Variants in TSPAN4 observed in about 807,000 individuals in gnomAD.
The protein encoded by TSPAN4 is tetraspanin 4.
TSPAN4 carries 38 observed loss-of-function variants against 31.5 expected under a neutral mutation model. That is an observed-to-expected ratio of 1.21 (90% CI 0.93 to 1.58). The LOEUF (loss-of-function observed/expected upper bound fraction) is 1.58, where lower values mean the gene tolerates loss of function less well. Among genes scored for constraint, TSPAN4 ranks in the 40% most tolerant of loss-of-function variants. The pLI is 0.00. For synonymous variants in TSPAN4, 186 were observed against 144.6 expected (o/e 1.29, Z -2.06); for missense variants, 330 against 317.3 (o/e 1.04, Z -0.30).
At chr11:850,239 A>G (rs1448052404) in intron 2 of TSPAN4, 49 bp from the exon 3 acceptor site, 2 of 1,471,236 alleles carry the variant, frequency 1.4e-6, no homozygotes, top group Non-Finnish European at 1.9e-6. Context: ...GCCCAAGGGC[A>G]ACAAGTACGT....
intron 3 of TSPAN4, among the ~76,000 whole-genome samples, chr11:860,080 A>G (rs1015104319): frequency 1.3e-5 from 2 of 152,148 alleles, no homozygotes; most frequent in African/African-American, 2.4e-5. Flanking sequence ...AGAGCTTCCC[A>G]AGATAGGTCC....
chr11:848,511 C>T lies in TSPAN4; in HGVS notation c.-18+1211C>T, dbSNP rs916531654. Among the ~76,000 whole-genome samples, 3 of 151,798 alleles carry T rather than the reference C, an allele frequency of 2.0e-5. No individual in the cohort carries two copies. Among genetic ancestry groups the T allele is most frequent in the Non-Finnish European group, 2.9e-5 (2 of 67,890 alleles). Reference sequence around the variant, plus strand: ...GAGGCTTGGGGCACCCAGCCCAGGTCGTCAGGGGTGGGCAGAGCTGCGGGA... The same window carrying T: ...GAGGCTTGGGGCACCCAGCCCAGGTTGTCAGGGGTGGGCAGAGCTGCGGGA... On this transcript the variant is annotated intron_variant, in intron 2 of 8. Coordinates refer to ENST00000397397, the MANE Select transcript of TSPAN4 (RefSeq NM_003271.5). The surrounding 1 kb of genome is among the most constrained non-coding windows in gnomAD (Gnocchi z 5.7).
intron 3 of TSPAN4, chr11:862,197 T>G (rs1589790485): frequency 1.5e-5 from 4 of 263,316 alleles, no homozygotes; most frequent in South Asian, 8.9e-5. Flanking sequence ...TGAAGCGGGG[T>G]TAGGGGTGTG....
chr11:844,715 G>GT (rs199690724), intron 1 of TSPAN4: 9,920 of 150,090 alleles, frequency 0.066, 471 homozygotes, highest in Middle Eastern at 0.13. Flanking sequence ...CTGGGGGGGG[G>GT]GGTCTGGGAT....
chr11:850,423 C>T, intron 3 of TSPAN4, 56 bp downstream of exon 3: 1 of 1,496,886 alleles, frequency 6.7e-7, no homozygotes, highest in Non-Finnish European at 9.1e-7. Flanking sequence ...CCTCCCGCGG[C>T]GGGTCGCGGG....
At chr11:864,182 G>C in intron 4 of TSPAN4, 1 of 573,830 alleles carries the variant, frequency 1.7e-6, no homozygotes, top group Non-Finnish European at 3.1e-6. Flanking sequence ...GATGGGGGCA[G>C]GGGAGGGGAG....
chr11:862,173 C>T (rs376883892), intron 3 of TSPAN4: 15 of 212,682 alleles, frequency 7.1e-5, no homozygotes, highest in South Asian at 1.2e-4. Context: ...TTCTGCCCTG[C>T]GCAGACCAGA....
intron 3 of TSPAN4, among the ~76,000 whole-genome samples, chr11:852,645 C>T (rs1226333813): frequency 6.6e-6 from 1 of 152,240 alleles, no homozygotes; most frequent in Non-Finnish European, 1.5e-5. Context: ...CCCTCTCCTC[C>T]TGGCGTGAGG....
Position 861,675 on chromosome 11 carries a change from G to A in TSPAN4, c.64-875G>A, listed in dbSNP as rs532249277. 3.3e-5 allele frequency among the ~76,000 whole-genome samples: 5 copies of A among 152,038 alleles called. No individual in the cohort carries two copies. In the East Asian group the frequency reaches 9.7e-4, roughly 30 times the overall value. ...TGCAGTGAGCCGAGATCGCGCCACT[G>A]CACTCCAGCCTGGGTGACAGTGCGA... On this transcript the variant is annotated intron_variant, in intron 3 of 8. Transcript: ENST00000397397.
chr11:850,238 C>T, intron 2 of TSPAN4, 50 bp from the exon 3 acceptor site: 1 of 1,471,870 alleles, frequency 6.8e-7, no homozygotes, highest in South Asian at 1.2e-5. Flanking sequence ...CGCCCAAGGG[C>T]AACAAGTACG....
rs564410686 is a variant in TSPAN4, at chr11:866,984, C to T, written c.*354C>T. On this transcript the variant is annotated 3_prime_UTR_variant, in exon 9 of 9. Transcript: ENST00000397397. ...GAAAACAGGTTGGCGCTGGAGGAGCCGGGTCTTGGCATCCTGGAGGTGGCC... is the reference window on the plus strand; with the variant it reads ...GAAAACAGGTTGGCGCTGGAGGAGCTGGGTCTTGGCATCCTGGAGGTGGCC... The T allele has an allele frequency of 1.2e-4, 26 of 210,690 alleles. No homozygotes were observed. The highest frequency in any genetic ancestry group is 2.3e-4 in the African/African-American group (10 of 43,514). 13.1% of individuals were successfully genotyped at this position (210,690 alleles called of 1,614,324 possible). A position where few individuals can be genotyped will look rare whatever the true frequency, so the allele number is the denominator to read the frequency against.
Position 866,586 on chromosome 11 carries a change from A to G in TSPAN4, c.673A>G (p.Thr225Ala). Residue 225 changes from threonine (T) to alanine (A), a missense_variant, in exon 9 of 9, where the codon ACC becomes GCC. Thr to Ala is a moderately conservative substitution (Grantham distance 58). Transcript: ENST00000397397. ...VQILGLTFAMTMYCQVVKADT... is the reference protein window; with the variant it reads ...VQILGLTFAMAMYCQVVKADT... ...GATCCTGGGCCTGACCTTCGCCATG[A>G]CCATGTACTGCCAAGTGGTCAAGGC... The G allele has an allele frequency of 6.2e-7, 1 of 1,613,494 alleles. No homozygotes were observed. Among genetic ancestry groups the G allele is most frequent in the Non-Finnish European group, 8.5e-7 (1 of 1,179,822 alleles).
At position 861,226 on chromosome 11, in the gene TSPAN4, C is replaced by T. The variant is rs965412661; in HGVS notation, c.64-1324C>T. Among the ~76,000 whole-genome samples, 7 of 152,216 alleles carry T rather than the reference C, an allele frequency of 4.6e-5. 1 individual carries two copies. In the South Asian group the frequency reaches 6.2e-4, roughly 14 times the overall value. On this transcript the variant is annotated intron_variant, in intron 3 of 8. Coordinates refer to ENST00000397397, the MANE Select transcript of TSPAN4 (RefSeq NM_003271.5). ...TTAGGAAACACAGTAAGAGCTCTGGCGGTTACAGACACTGCAGGAGGTGGC... is the reference window on the plus strand; with the variant it reads ...TTAGGAAACACAGTAAGAGCTCTGGTGGTTACAGACACTGCAGGAGGTGGC...
chr11:864,165 C>T (rs534786203), intron 4 of TSPAN4: 624 of 548,750 alleles, frequency 1.1e-3, no homozygotes, highest in Non-Finnish European at 1.3e-3. Context: ...GTCTGGGTTG[C>T]CCCAGGGATG....
At chr11:844,956 C>T (rs1241355954) in intron 1 of TSPAN4, among the ~76,000 whole-genome samples, 2 of 152,134 alleles carry the variant, frequency 1.3e-5, no homozygotes, top group Non-Finnish European at 2.9e-5. Flanking sequence ...ACCAGGAGGG[C>T]TGGGAGGGGG....
rs1042258573 is a variant in TSPAN4 at position 848,893 on chromosome 11, G to C, written c.-17-1395G>C. ...TGGGAGGTGTGTGCGCATCCGGCGT[G>C]ATGACACCCAGGAGTGCAGGCACAT... On this transcript the variant is annotated intron_variant, in intron 2 of 8. Coordinates refer to ENST00000397397, the MANE Select transcript of TSPAN4 (RefSeq NM_003271.5). This position sits in a 1 kb window ranked among gnomAD's most constrained non-coding sequence, Gnocchi z 5.7. 4.2e-6 allele frequency: 3 copies of C among 713,170 alleles called. No individual in the cohort carries two copies. Among genetic ancestry groups the C allele is most frequent in the Admixed American group, 4.0e-5 (2 of 49,410 alleles). 44.2% of individuals were successfully genotyped at this position (713,170 alleles called of 1,614,324 possible). A position where few individuals can be genotyped will look rare whatever the true frequency, so the allele number is the denominator to read the frequency against.
At chr11:866,398 G>C (rs1011304661) in intron 8 of TSPAN4, among the ~76,000 whole-genome samples, 164 bp from the exon 9 acceptor site, 76 of 152,248 alleles carry the variant, frequency 5.0e-4, no homozygotes, top group African/African-American at 1.8e-3. Flanking sequence ...ACAGGGGTTG[G>C]GTGGGGCGTG....
chr11:866,120 A>G lies in TSPAN4; in HGVS notation c.648+119A>G, dbSNP rs911316611. 6.3e-6 allele frequency: 7 copies of G among 1,118,918 alleles called. No individual in the cohort carries two copies. The African/African-American group carries it at 1.1e-4, about 17-fold the overall frequency. The allele number at this position is 1,118,918 out of a possible 1,614,324, so 69.3% of individuals were successfully genotyped here. On this transcript the variant is annotated intron_variant, in intron 8 of 8. Transcript: ENST00000397397. ...CCCACGATCGGGGGAGGCCGGGGCA[A>G]AAGCAGGAGGGCGAGTTCAGGGGGA...
chr11:845,255 C>A (rs1847246771), intron 1 of TSPAN4, among the ~76,000 whole-genome samples: 1 of 152,186 alleles, frequency 6.6e-6, no homozygotes, highest in African/African-American at 2.4e-5. Context: ...CACACGGCGC[C>A]ACGAGCACAC....
Sources: allele counts gnomAD v4.1 joint callset (sites outside exome capture counted in the v4.1 genomes callset), GRCh38; gene constraint gnomAD v4.1.1; non-coding constraint Gnocchi (gnomAD v3.1); transcripts MANE v1.5; gene names NCBI Gene and HGNC (gene_info 2026-07-23, HGNC 2026-07-21).